TBC1D5: variants seen among roughly 807,000 people sequenced by gnomAD.
The protein encoded by TBC1D5 is TBC1 domain family, member 5.
Under a neutral mutation model 100.3 loss-of-function variants are expected in TBC1D5, and 75 were observed. The observed-to-expected ratio is 0.75, with a 90% CI of 0.62 to 0.91. TBC1D5 has a LOEUF of 0.91. TBC1D5 is among the 40% of genes least tolerant of loss of function. The pLI is 0.00. For missense variants in TBC1D5, 910 were observed against 942.4 expected, an observed-to-expected ratio of 0.97 and a Z score of 0.45; for synonymous variants, 323 against 325.6, an observed-to-expected ratio of 0.99 and a Z score of 0.09.
exon 22 of TBC1D5, chr3:17,158,554 T>A (rs1354751876): frequency 6.6e-6 from 1 of 152,268 alleles, no homozygotes; most frequent in East Asian, 1.9e-4. Flanking sequence ...AGGCTGGTAC[T>A]ACCCATGACC....
chr3:17,390,676 A>C (rs1033602766), intron 8 of TBC1D5, among the ~76,000 whole-genome samples: 2 of 152,270 alleles, frequency 1.3e-5, no homozygotes, highest in Admixed American at 6.5e-5. Flanking sequence ...CAAAATTTTT[A>C]AATGAGCTGA....
intron 1 of TBC1D5, among the ~76,000 whole-genome samples, chr3:17,707,846 C>T (rs73170844): frequency 0.05 from 7,642 of 152,050 alleles, 613 homozygotes; most frequent in African/African-American, 0.17. Context: ...CATGCTGTAC[C>T]AAGTACCAGA....
intron 2 of TBC1D5, among the ~76,000 whole-genome samples, chr3:17,576,244 TG>T (rs1376100358): frequency 6.6e-6 from 1 of 151,974 alleles, no homozygotes; most frequent in East Asian, 1.9e-4. Context: ...AAAAAAATGA[TG>T]GGGGTTGAGA....
intron 15 of TBC1D5, among the ~76,000 whole-genome samples, chr3:17,259,924 A>G (rs1282826567): frequency 1.3e-5 from 2 of 152,142 alleles, no homozygotes; most frequent in Non-Finnish European, 2.9e-5. Context: ...CTACTACTCC[A>G]CTGGTTTGGT....
At chr3:17,210,032 T>C (rs766654158) in intron 18 of TBC1D5, among the ~76,000 whole-genome samples, 23 of 152,184 alleles carry the variant, frequency 1.5e-4, no homozygotes, top group Admixed American at 6.5e-4. Context: ...GTTTATGTCC[T>C]CATTTTTGTA....
intron 21 of TBC1D5, among the ~76,000 whole-genome samples, chr3:17,161,830 A>G (rs1463392859): frequency 6.6e-6 from 1 of 152,252 alleles, no homozygotes; most frequent in Non-Finnish European, 1.5e-5. Flanking sequence ...CATCTCATGT[A>G]GATCTCATTG....
chr3:17,653,224 G>T lies in TBC1D5; in HGVS notation c.-100-29311C>A, dbSNP rs1349321777. On this transcript the variant is annotated intron_variant, in intron 1 of 21. Transcript: ENST00000253692. ...CTTTTGAGGTGATGAAAATGTTTTA[G>T]AACTAGATAGAGGTGGTAGATTGCA... 5.3e-5 allele frequency among the ~76,000 whole-genome samples: 8 copies of T among 152,086 alleles called. No homozygotes were observed. The East Asian group carries it at 1.3e-3, about 26-fold the overall frequency.
At chr3:17,181,359 C>T (rs536298134) in intron 19 of TBC1D5, among the ~76,000 whole-genome samples, 11 of 152,152 alleles carry the variant, frequency 7.2e-5, no homozygotes, top group Non-Finnish European at 1.5e-4. Flanking sequence ...CTCTCAGATT[C>T]TTCCCTGAGA....
At chr3:17,619,575 T>C (rs950299390) in intron 2 of TBC1D5, among the ~76,000 whole-genome samples, 4 of 152,168 alleles carry the variant, frequency 2.6e-5, no homozygotes, top group Non-Finnish European at 5.9e-5. Flanking sequence ...GTTTCTCATA[T>C]CATACATAAA....
At chr3:17,557,540 G>C (rs548484940) in intron 2 of TBC1D5, among the ~76,000 whole-genome samples, 2 of 152,136 alleles carry the variant, frequency 1.3e-5, no homozygotes, top group African/African-American at 4.8e-5. Context: ...TGTTTTGTTT[G>C]TTTTGTTGTT....
chr3:17,704,463 G>A (rs1417546054), intron 1 of TBC1D5, among the ~76,000 whole-genome samples: 23 of 145,480 alleles, frequency 1.6e-4, no homozygotes, highest in African/African-American at 5.2e-4. Context: ...GGTGGTGGCC[G>A]GGCAGAGGGG....
intron 2 of TBC1D5, among the ~76,000 whole-genome samples, chr3:17,542,326 C>A (rs2096366565): frequency 6.6e-6 from 1 of 152,084 alleles, no homozygotes; most frequent in Non-Finnish European, 1.5e-5. Context: ...ATTATAAAAA[C>A]ATATTAGAAT....
chr3:17,451,729 AACCTGCATATTCTGC>A (rs1417555492), intron 3 of TBC1D5, among the ~76,000 whole-genome samples: 2 of 152,178 alleles, frequency 1.3e-5, no homozygotes, highest in Non-Finnish European at 2.9e-5. Context: ...CTATGTAACA[AACCTGCATATTCTGC>A]ACATGTATAC....
intron 1 of TBC1D5, among the ~76,000 whole-genome samples, chr3:17,688,086 G>A (rs966470282): frequency 1.3e-5 from 2 of 151,986 alleles, no homozygotes; most frequent in African/African-American, 4.8e-5. Flanking sequence ...TCTTAGAATC[G>A]AATGCTATGA....
At chr3:17,441,319 G>T (rs1395766767) in intron 3 of TBC1D5, among the ~76,000 whole-genome samples, 1 of 152,140 alleles carries the variant, frequency 6.6e-6, no homozygotes, top group Admixed American at 6.5e-5. Flanking sequence ...GAATAAATTT[G>T]TAAGTTCGGA....
intron 2 of TBC1D5, among the ~76,000 whole-genome samples, chr3:17,560,104 C>T (rs1296279192): frequency 6.6e-6 from 1 of 152,096 alleles, no homozygotes; most frequent in Non-Finnish European, 1.5e-5. Context: ...ACCTATAGTC[C>T]TATCTAAGGG....
At chr3:17,481,487 T>C (rs140754103) in intron 3 of TBC1D5, among the ~76,000 whole-genome samples, 1 of 152,280 alleles carries the variant, frequency 6.6e-6, no homozygotes, top group African/African-American at 2.4e-5. Context: ...GCCTGTGAAG[T>C]AGAGGTTGCA....
intron 3 of TBC1D5, among the ~76,000 whole-genome samples, chr3:17,473,606 T>C (rs1576216561): frequency 1.3e-5 from 2 of 152,346 alleles, no homozygotes; most frequent in South Asian, 4.1e-4. Context: ...GCTCTGTGGA[T>C]CAACCTACTT....
chr3:17,516,771 T>C (rs2095994696), intron 2 of TBC1D5, among the ~76,000 whole-genome samples: 1 of 152,192 alleles, frequency 6.6e-6, no homozygotes, highest in African/African-American at 2.4e-5. Flanking sequence ...ATGCTACTGG[T>C]AAACTAAACA....
Sources: gnomAD v4.1 joint callset for allele counts (sites outside exome capture counted in the v4.1 genomes callset) on GRCh38, gnomAD v4.1.1 for gene constraint, MANE v1.5 for transcripts, NCBI Gene and HGNC (gene_info 2026-07-23, HGNC 2026-07-21) for gene names.